Variants in TMTC4 observed in about 807,000 individuals in gnomAD.
TMTC4 encodes transmembrane O-mannosyltransferase targeting cadherins 4, also known as protein O-mannosyl-transferase TMTC4.
TMTC4 carries 65 observed loss-of-function variants against 86.0 expected under a neutral mutation model. The observed-to-expected ratio is 0.76, with a 90% CI of 0.62 to 0.93. The LOEUF is 0.93. TMTC4 is among the 40% of genes least tolerant of loss of function. The pLI is 0.00. For missense variants in TMTC4, 866 were observed against 948.1 expected, an observed-to-expected ratio of 0.91 and a Z score of 1.14; for synonymous variants, 379 against 382.5, an observed-to-expected ratio of 0.99 and a Z score of 0.11.
chr13:100,654,935 ATAAGT>A (rs1024226286), intron 6 of TMTC4, among the ~76,000 whole-genome samples: 13 of 152,018 alleles, frequency 8.6e-5, no homozygotes, highest in Admixed American at 3.9e-4. Context: ...TTAAGGGAGG[ATAAGT>A]TAAAATTATG....
chr13:100,656,344 G>T (rs757146967), intron 6 of TMTC4, 37 bp downstream of exon 6: 105 of 1,574,000 alleles, frequency 6.7e-5, no homozygotes, highest in Non-Finnish European at 5.9e-5. Flanking sequence ...AAAACATGAA[G>T]AAGGTGGAAA....
chr13:100,611,135 A>C (rs1877501201), intron 17 of TMTC4, among the ~76,000 whole-genome samples: 1 of 152,264 alleles, frequency 6.6e-6, no homozygotes, highest in African/African-American at 2.4e-5. Context: ...AACACTGGAC[A>C]GATATTAGCT....
At chr13:100,612,671 AC>A (rs1877813862) in intron 16 of TMTC4, among the ~76,000 whole-genome samples, 161 bp from the exon 17 acceptor site, 4 of 150,814 alleles carry the variant, frequency 2.7e-5, no homozygotes, top group African/African-American at 9.7e-5. Flanking sequence ...ACACACACAC[AC>A]ACACACACAC....
At chr13:100,637,192 T>C (rs1210783799) in intron 9 of TMTC4, among the ~76,000 whole-genome samples, 1 of 152,052 alleles carries the variant, frequency 6.6e-6, no homozygotes, top group Non-Finnish European at 1.5e-5. Flanking sequence ...ACACCACTAG[T>C]CTTCTAAAGA....
At chr13:100,636,154 G>A (rs1402038714) in intron 10 of TMTC4, among the ~76,000 whole-genome samples, 1 of 152,192 alleles carries the variant, frequency 6.6e-6, no homozygotes, top group Non-Finnish European at 1.5e-5. Context: ...AGGGAATCAT[G>A]GCAGCGTTCA....
intron 15 of TMTC4, among the ~76,000 whole-genome samples, chr13:100,622,010 C>G (rs1012820001): frequency 6.6e-6 from 1 of 152,172 alleles, no homozygotes; most frequent in African/African-American, 2.4e-5. Flanking sequence ...TGGGAACAAA[C>G]AGCCGATCAT....
At chr13:100,641,055 C>A (rs755131429) in intron 7 of TMTC4, among the ~76,000 whole-genome samples, 1 of 152,078 alleles carries the variant, frequency 6.6e-6, no homozygotes, top group Non-Finnish European at 1.5e-5. Flanking sequence ...CCCCCACCCC[C>A]CTGACACTGC....
At chr13:100,644,098 CTTTTTTTTT>C (rs35254351) in intron 6 of TMTC4, among the ~76,000 whole-genome samples, 6 of 132,272 alleles carry the variant, frequency 4.5e-5, no homozygotes, top group African/African-American at 1.1e-4. Context: ...GGGAGGCGCT[CTTTTTTTTT>C]TTTTTTTTTT....
At position 100,674,016 on chromosome 13, in the gene TMTC4, T is replaced by TA. The variant is rs1041030172; in HGVS notation, c.-208+727dup. ...CTCCTCCCTTCTTTTGTGTGTGGTT[T>TA]AAAAAAAAGAAAAACACACACGCAG... On this transcript the variant is annotated intron_variant, in intron 1 of 18. Transcript: ENST00000342624. The TA allele has an allele frequency of 5.2e-5, 51 of 984,368 alleles. No individual in the cohort carries two copies. The African/African-American group carries it at 6.1e-4, about 12-fold the overall frequency. The allele number at this position is 984,368 out of a possible 1,614,324, so 61.0% of individuals were successfully genotyped here.
At chr13:100,622,924 T>C (rs1468948040) in intron 15 of TMTC4, among the ~76,000 whole-genome samples, 1 of 152,224 alleles carries the variant, frequency 6.6e-6, no homozygotes. Flanking sequence ...TACCATTAGT[T>C]AGCCAGACGT....
chr13:100,612,372 G>C (rs371697708), intron 17 of TMTC4, 26 bp downstream of exon 17: 71 of 1,544,672 alleles, frequency 4.6e-5, no homozygotes, highest in Non-Finnish European at 5.9e-5. Context: ...CTAACTGCAA[G>C]AACTCACAGC....
chr13:100,648,406 AT>A (rs777112130), intron 6 of TMTC4, among the ~76,000 whole-genome samples: 1 of 152,226 alleles, frequency 6.6e-6, no homozygotes, highest in Non-Finnish European at 1.5e-5. Context: ...ATCAAGGCAA[AT>A]AAAATATATT....
chr13:100,639,241 T>C (rs2138893479), intron 7 of TMTC4, among the ~76,000 whole-genome samples: 1 of 152,298 alleles, frequency 6.6e-6, no homozygotes. Context: ...CATCCCTACT[T>C]AACCCTCTCC....
chr13:100,674,192 G>A (rs1230138070), intron 1 of TMTC4: 5 of 982,132 alleles, frequency 5.1e-6, no homozygotes, highest in Non-Finnish European at 6.0e-6. Context: ...CGGTGGCCCC[G>A]CGCTCGCGCC....
chr13:100,637,420 C>T (rs1306593726), intron 9 of TMTC4, 118 bp downstream of exon 9: 9 of 1,310,330 alleles, frequency 6.9e-6, no homozygotes, highest in South Asian at 1.5e-5. Context: ...ATGGAGGTGG[C>T]GCGTGTATTG....
rs1158153404 is a variant in TMTC4, at chr13:100,673,997, CCTT to C, written c.-208+744_-208+746del. On this transcript the variant is annotated intron_variant, in intron 1 of 18. Coordinates refer to ENST00000342624, the MANE Select transcript of TMTC4 (RefSeq NM_032813.5). ...GGCTAGATCGTTCCTCTAACTCCTCCCTTCTTTTGTGTGTGGTTTAAAAAAAAG... is the reference window on the plus strand; with the variant it reads ...GGCTAGATCGTTCCTCTAACTCCTCCCTTTTGTGTGTGGTTTAAAAAAAAG... 4 of 984,216 alleles carry C rather than the reference CCTT, an allele frequency of 4.1e-6. No individual in the cohort carries two copies. In the African/African-American group the frequency reaches 5.2e-5, roughly 13 times the overall value. The allele number at this position is 984,216 out of a possible 1,614,324, so 61.0% of individuals were successfully genotyped here. A position where few individuals can be genotyped will look rare whatever the true frequency, so the allele number is the denominator to read the frequency against.
At chr13:100,648,117 A>T (rs1281581195) in intron 6 of TMTC4, among the ~76,000 whole-genome samples, 1 of 152,196 alleles carries the variant, frequency 6.6e-6, no homozygotes, top group African/African-American at 2.4e-5. Flanking sequence ...AGCAATTATT[A>T]AATATTAAGT....
At chr13:100,638,806 C>G (rs1882615714) in intron 7 of TMTC4, 1 of 152,284 alleles carries the variant, frequency 6.6e-6, no homozygotes, top group Admixed American at 6.5e-5. Flanking sequence ...AGGCCTTTGC[C>G]AGGCAGGGCC....
At chr13:100,635,442 A>G (rs1340669769) in intron 10 of TMTC4, among the ~76,000 whole-genome samples, 2 of 152,156 alleles carry the variant, frequency 1.3e-5, no homozygotes, top group Non-Finnish European at 2.9e-5. Flanking sequence ...AAGCCATACA[A>G]TTCGTATGGA....
Sources: allele counts gnomAD v4.1 joint callset (sites outside exome capture counted in the v4.1 genomes callset), GRCh38; gene constraint gnomAD v4.1.1; transcripts MANE v1.5; gene names NCBI Gene and HGNC (gene_info 2026-07-23, HGNC 2026-07-21).